Variants in SIAH2 observed in about 807,000 individuals in gnomAD.
SIAH2 encodes the protein siah E3 ubiquitin protein ligase 2, also known as E3 ubiquitin-protein ligase SIAH2.
A neutral mutation model predicts 20.4 loss-of-function variants in SIAH2; 4 were observed. That is an observed-to-expected ratio of 0.20 (90% CI 0.10 to 0.45). SIAH2 has a LOEUF of 0.45. SIAH2 is among the 20% of genes least tolerant of loss of function. SIAH2 has a pLI of 0.99. For missense variants in SIAH2, 259 were observed against 440.3 expected, an observed-to-expected ratio of 0.59 and a Z score of 3.69; for synonymous variants, 171 against 192.5, an observed-to-expected ratio of 0.89 and a Z score of 0.93.
At chr3:150,752,037 AC>A (rs1381130148) in intron 1 of SIAH2, among the ~76,000 whole-genome samples, 1 of 152,236 alleles carries the variant, frequency 6.6e-6, no homozygotes, top group Non-Finnish European at 1.5e-5. Flanking sequence ...TTAGCAGGTA[AC>A]CACACATTGT....
chr3:150,745,072 T>G (rs1418223720), intron 1 of SIAH2, among the ~76,000 whole-genome samples: 1 of 152,150 alleles, frequency 6.6e-6, no homozygotes, highest in African/African-American at 2.4e-5. Flanking sequence ...ACATCCTCTA[T>G]TAACTTAAAT....
rs1443750428 is a variant in SIAH2, at chr3:150,762,678, G to A, written c.172C>T (p.Pro58Ser). The change falls in exon 1 of 2, where the codon CCC (proline) becomes TCC (serine). Residue 58 changes from proline to serine, a missense_variant. Around this residue, in one of 2 missense-constraint regions of SIAH2, gnomAD observed 99 missense variants for 112.7 expected, o/e 0.88. Transcript: ENST00000312960. The surrounding 1 kb of genome is among the most constrained non-coding windows in gnomAD (Gnocchi z 6.6). ...VPAAAAVISG[P>S]GGGGGAGPVS... ...GGGCCGGCCCCGCCGCCGCCGCCGG[G>A]GCCCGAGATCACCGCCGCCGCGGCG... The A allele has an allele frequency of 7.1e-7, 1 of 1,404,452 alleles. No individual in the cohort carries two copies. The highest frequency in any genetic ancestry group is 3.3e-5 in the Admixed American group (1 of 30,638). 87.0% of individuals were successfully genotyped at this position (1,404,452 alleles called of 1,614,324 possible).
Position 150,742,489 on chromosome 3 carries a change from G to A in SIAH2, c.627C>T (p.Asp209=). ...QGEDIVFLAT[D]INLPGAVDWV... ...AGTCGACAGCCCCTGGCAAGTTAAT[G>A]TCTGTAGCTAGAAAGACGATGTCTT... The change falls in exon 2 of 2, where the codon GAC becomes GAT. Residue 209 remains aspartate (D), a synonymous_variant. Coordinates refer to ENST00000312960, the MANE Select transcript of SIAH2 (RefSeq NM_005067.7). The surrounding 1 kb of genome is among the most constrained non-coding windows in gnomAD (Gnocchi z 4.8). The A allele has an allele frequency of 6.2e-7, 1 of 1,614,206 alleles. No individual in the cohort carries two copies.
chr3:150,762,769 C>G lies in SIAH2; in HGVS notation c.81G>C (p.Pro27=). The change falls in exon 1 of 2, where the codon CCG becomes CCC. Residue 27 remains proline, a synonymous_variant. Transcript: ENST00000312960. The surrounding 1 kb of genome is among the most constrained non-coding windows in gnomAD (Gnocchi z 6.6). ...CGGCGGCCGGGGGCGCAGCCGGGGA[C>G]GGAGTGTGCTGGGGCTGCGGCGGCG... ...KQPPPQPQHT[P]SPAAPPAAAT... The G allele has an allele frequency of 8.3e-7, 1 of 1,207,390 alleles. No individual in the cohort carries two copies. The highest frequency in any genetic ancestry group is 1.0e-6 in the Non-Finnish European group (1 of 962,712). The allele number at this position is 1,207,390 out of a possible 1,614,324, so 74.8% of individuals were successfully genotyped here.
intron 1 of SIAH2, among the ~76,000 whole-genome samples, chr3:150,759,024 C>A (rs1714546152): frequency 6.6e-6 from 1 of 152,076 alleles, no homozygotes; most frequent in Non-Finnish European, 1.5e-5. Flanking sequence ...GGATTACAGA[C>A]GTGAGCCACT....
At chr3:150,758,772 C>T (rs796472036) in intron 1 of SIAH2, among the ~76,000 whole-genome samples, 25 of 145,036 alleles carry the variant, frequency 1.7e-4, no homozygotes, top group African/African-American at 6.2e-4. Context: ...GACTGAGTTT[C>T]ACTCTTGTTG....
chr3:150,741,505 T>A lies in SIAH2; in HGVS notation c.*636A>T, dbSNP rs1482690698. 1 of 152,432 alleles carries A rather than the reference T, an allele frequency of 6.6e-6. No individual in the cohort carries two copies. The highest frequency in any genetic ancestry group is 1.5e-5 in the Non-Finnish European group (1 of 68,054). 9.4% of individuals were successfully genotyped at this position (152,432 alleles called of 1,614,324 possible). A position where few individuals can be genotyped will look rare whatever the true frequency, so the allele number is the denominator to read the frequency against. The stretch of plus-strand genomic sequence containing the variant: ...TGAAACAGTAGAAAGACAAACAGTA[T>A]CGGCAGAGGGCAACCTTAAAGCACC... On this transcript the variant is annotated 3_prime_UTR_variant, in exon 2 of 2. Coordinates refer to ENST00000312960, the MANE Select transcript of SIAH2 (RefSeq NM_005067.7).
intron 1 of SIAH2, among the ~76,000 whole-genome samples, chr3:150,757,660 GA>G (rs1019392939): frequency 1.3e-5 from 2 of 151,324 alleles, no homozygotes; most frequent in Non-Finnish European, 2.9e-5. Context: ...GCCAATGCTA[GA>G]AAAAAAATCG....
intron 1 of SIAH2, among the ~76,000 whole-genome samples, chr3:150,745,746 C>T (rs1576580527): frequency 6.6e-6 from 1 of 152,146 alleles, no homozygotes; most frequent in Admixed American, 6.5e-5. Context: ...CCACCCGCCA[C>T]GGCCTCCCAA....
chr3:150,750,815 T>C (rs1469709357), intron 1 of SIAH2, among the ~76,000 whole-genome samples: 2 of 152,232 alleles, frequency 1.3e-5, no homozygotes, highest in Non-Finnish European at 2.9e-5. Context: ...GCTTAAAATA[T>C]GTTTACAACA....
Position 150,742,398 on chromosome 3 carries a change from C to T in SIAH2, c.718G>A (p.Glu240Lys). 1.9e-6 allele frequency: 3 copies of T among 1,614,162 alleles called. No individual in the cohort carries two copies. The highest frequency in any genetic ancestry group is 2.5e-6 in the Non-Finnish European group (3 of 1,180,036). The change falls in exon 2 of 2, where the codon GAA (glutamate) becomes AAA (lysine). Residue 240 changes from glutamate to lysine, a missense_variant. By Grantham distance (56) the Glu-to-Lys change is moderately conservative (BLOSUM62 1). Around this residue, in one of 2 missense-constraint regions of SIAH2, gnomAD observed 160 missense variants for 327.6 expected, o/e 0.49. Coordinates refer to ENST00000312960, the MANE Select transcript of SIAH2 (RefSeq NM_005067.7). This position sits in a 1 kb window ranked among gnomAD's most constrained non-coding sequence, Gnocchi z 4.8. ...ATGGCAAAAAACTGCTGGTGGCCTT[C>T]GTACTTCTCTTGTTTCTCCAGCACC... Reference protein sequence around the residue: ...MLVLEKQEKYEGHQQFFAIVL... With the variant: ...MLVLEKQEKYKGHQQFFAIVL...
intron 1 of SIAH2, among the ~76,000 whole-genome samples, chr3:150,747,180 G>A (rs1346704264): frequency 6.6e-6 from 1 of 152,260 alleles, no homozygotes; most frequent in Non-Finnish European, 1.5e-5. Context: ...CAGATACACT[G>A]CTTTTGGAAG....
chr3:150,762,993 G>A lies in SIAH2; in HGVS notation c.-144C>T. The A allele has an allele frequency of 2.1e-6, 2 of 953,128 alleles. No individual in the cohort carries two copies. Among genetic ancestry groups the A allele is most frequent in the Non-Finnish European group, 2.6e-6 (2 of 775,766 alleles). 59.0% of individuals were successfully genotyped at this position (953,128 alleles called of 1,614,324 possible). A position where few individuals can be genotyped will look rare whatever the true frequency, so the allele number is the denominator to read the frequency against. ...GGTCCGGGCGGCGGAGACGCTCGGC[G>A]CCCGGCAGGCGGAGGGCTGGACCGC... On this transcript the variant is annotated 5_prime_UTR_variant, in exon 1 of 2. Transcript: ENST00000312960. The surrounding 1 kb of genome is among the most constrained non-coding windows in gnomAD (Gnocchi z 6.6).
intron 1 of SIAH2, among the ~76,000 whole-genome samples, chr3:150,752,235 A>T (rs2108121483): frequency 6.6e-6 from 1 of 152,324 alleles, no homozygotes; most frequent in East Asian, 1.9e-4. Context: ...TTCTTCAAAC[A>T]GCTCTATTCC....
chr3:150,747,057 G>A (rs1714231645), intron 1 of SIAH2, among the ~76,000 whole-genome samples: 1 of 152,186 alleles, frequency 6.6e-6, no homozygotes, highest in South Asian at 2.1e-4. Flanking sequence ...TTCTTTCACT[G>A]CACACAACAG....
intron 1 of SIAH2, among the ~76,000 whole-genome samples, chr3:150,745,251 ACACACACACAC>A (rs1714184719): frequency 1.4e-5 from 2 of 146,612 alleles, no homozygotes; most frequent in African/African-American, 5.4e-5. Context: ...ACACACACAC[ACACACACACAC>A]ACACACACAC....
intron 1 of SIAH2, among the ~76,000 whole-genome samples, chr3:150,755,843 G>C (rs142482262): frequency 6.6e-6 from 1 of 151,380 alleles, no homozygotes; most frequent in Non-Finnish European, 1.5e-5. Context: ...GTAGAGACGG[G>C]GTTTCACCAT....
chr3:150,759,352 T>C (rs1190870193), intron 1 of SIAH2, among the ~76,000 whole-genome samples: 1 of 152,194 alleles, frequency 6.6e-6, no homozygotes, highest in Non-Finnish European at 1.5e-5. Context: ...ACTAGGTTTG[T>C]AGGTTTCCCC....
intron 1 of SIAH2, among the ~76,000 whole-genome samples, chr3:150,755,629 C>A (rs1249626995): frequency 3.3e-5 from 5 of 152,144 alleles, no homozygotes; most frequent in African/African-American, 7.2e-5. Context: ...GATTCTCCTG[C>A]CTCTCAGCCT....
Sources: gnomAD v4.1 joint callset for allele counts (sites outside exome capture counted in the v4.1 genomes callset) on GRCh38, gnomAD v4.1.1 for gene constraint, gnomAD v4.1.1 regional missense constraint, Gnocchi (gnomAD v3.1) non-coding constraint, MANE v1.5 for transcripts, NCBI Gene and HGNC (gene_info 2026-07-23, HGNC 2026-07-21) for gene names.